THNSL1: variants seen among roughly 807,000 people sequenced by gnomAD.
The protein encoded by THNSL1 is threonine synthase like 1, also known as threonine synthase-like 1.
THNSL1 carries 48 observed loss-of-function variants against 50.4 expected under a neutral mutation model. That is an observed-to-expected ratio of 0.95 (90% confidence interval 0.76 to 1.21). THNSL1 has a LOEUF of 1.21. THNSL1 is among the 50% of genes most tolerant of loss of function. The probability of loss-of-function intolerance (pLI) is 0.00; values close to 1 mark genes in which losing one functional copy is unlikely to be tolerated. For missense variants in THNSL1, 896 were observed against 871.7 expected (o/e 1.03, Z -0.35); for synonymous variants, 309 against 306.1 (o/e 1.01, Z -0.10).
chr10:25,023,172 A>G lies in THNSL1; in HGVS notation c.-48-4A>G. 1.3e-6 allele frequency: 2 copies of G among 1,533,824 alleles called. No individual in the cohort carries two copies. Among genetic ancestry groups the G allele is most frequent in the Admixed American group, 2.2e-5 (1 of 45,692 alleles). ...GTTTTTTGTTTGTTTTGTGTTTTGA[A>G]AAGGGCTAAAGCCAATTTTTAGGTT... is the stretch of plus-strand genomic sequence containing the variant. On this transcript the variant is annotated splice_polypyrimidine_tract_variant and splice_region_variant and intron_variant, in intron 2 of 2. Coordinates refer to ENST00000376356, the MANE Select transcript of THNSL1 (RefSeq NM_024838.5).
the THNSL1 span, among the ~76,000 whole-genome samples, chr10:24,978,451 CCT>C: frequency 2.7e-5 from 4 of 150,238 alleles, no homozygotes; most frequent in Admixed American, 6.6e-5. Context: ...CTCTCTCTCT[CCT>C]CTCTCTCTCT....
the THNSL1 span, among the ~76,000 whole-genome samples, chr10:24,957,895 C>T: frequency 1.3e-5 from 2 of 152,308 alleles, no homozygotes; most frequent in South Asian, 4.1e-4. Flanking sequence ...TGTAATCATC[C>T]TGTGCCACTA....
chr10:25,026,393 A>G lies in THNSL1; in HGVS notation c.*938A>G, dbSNP rs1274238555. 6.0e-6 allele frequency: 1 copy of G among 167,054 alleles called. No individual in the cohort carries two copies. Among genetic ancestry groups the G allele is most frequent in the African/African-American group, 2.4e-5 (1 of 41,488 alleles). The allele number at this position is 167,054 out of a possible 1,614,324, so 10.3% of individuals were successfully genotyped here. ...GTGAATACAGAAATGATCTATTTCA[A>G]GAGGAAGGTTTTCCAAAATTAAGAG... On this transcript the variant is annotated 3_prime_UTR_variant, in exon 3 of 3. Coordinates refer to ENST00000376356, the MANE Select transcript of THNSL1 (RefSeq NM_024838.5).
the THNSL1 span, chr10:24,984,382 G>GGAA: frequency 7.2e-7 from 1 of 1,397,962 alleles, no homozygotes; most frequent in East Asian, 2.6e-5. Context: ...ATGCGCTGCA[G>GGAA]AAAAAAAAAA....
chr10:25,024,658 C>T lies in THNSL1; in HGVS notation c.1435C>T (p.Gln479Ter). 6.2e-7 allele frequency: 1 copy of T among 1,614,246 alleles called. No individual in the cohort carries two copies. The highest frequency in any genetic ancestry group is 8.5e-7 in the Non-Finnish European group (1 of 1,180,050). Residue 479 changes from glutamine to a stop codon, truncating the protein, a stop_gained, in exon 3 of 3, where the codon CAG becomes TAG. Coordinates refer to ENST00000376356, the MANE Select transcript of THNSL1 (RefSeq NM_024838.5). LOFTEE classifies it high-confidence loss of function. The stretch of plus-strand genomic sequence containing the variant: ...CATAAACTGGGGCCGACTACTTCCG[C>T]AGGTAGTTTATCATGCTTCCGCATA... ...NSINWGRLLP[Q>*]VVYHASAYLD...
the THNSL1 span, among the ~76,000 whole-genome samples, chr10:25,008,393 T>C: frequency 1.3e-5 from 2 of 152,216 alleles, no homozygotes; most frequent in Non-Finnish European, 2.9e-5. Context: ...AAAATGACCA[T>C]GTCACCTAAG....
At chr10:24,970,493 T>C in the THNSL1 span, among the ~76,000 whole-genome samples, 6 of 151,932 alleles carry the variant, frequency 3.9e-5, no homozygotes, top group Non-Finnish European at 5.9e-5. Flanking sequence ...GAAGATCACT[T>C]GAGGCCAGGA....
upstream of THNSL1, among the ~76,000 whole-genome samples, chr10:25,015,218 G>A (rs1221284146): frequency 6.6e-6 from 1 of 152,108 alleles, no homozygotes; most frequent in African/African-American, 2.4e-5. Context: ...AATTTAAGAG[G>A]TTCTAAGACC....
chr10:24,973,107 A>G, the THNSL1 span, among the ~76,000 whole-genome samples: 1 of 152,220 alleles, frequency 6.6e-6, no homozygotes. Flanking sequence ...ACCTCTGCAT[A>G]CAATTTCTTT....
Position 25,026,565 on chromosome 10 carries a change from A to C in THNSL1, c.*1110A>C, listed in dbSNP as rs1396286873. 6.0e-6 allele frequency: 1 copy of C among 166,604 alleles called. No individual in the cohort carries two copies. Among genetic ancestry groups the C allele is most frequent in the South Asian group, 2.1e-4 (1 of 4,824 alleles). 10.3% of individuals were successfully genotyped at this position (166,604 alleles called of 1,614,324 possible). On this transcript the variant is annotated 3_prime_UTR_variant, in exon 3 of 3. Transcript: ENST00000376356. ...GAAACTGCACACAACTGATACACAT[A>C]TTTAATTTGTATTCCTTTGTAGTAA...
intron 1 of THNSL1, among the ~76,000 whole-genome samples, chr10:25,018,838 T>C (rs986268241): frequency 9.2e-5 from 14 of 152,290 alleles, no homozygotes; most frequent in Middle Eastern, 3.4e-3. Flanking sequence ...ATATTCGAGA[T>C]CGTTAAGAAT....
the THNSL1 span, among the ~76,000 whole-genome samples, chr10:24,954,514 C>T: frequency 2.6e-5 from 4 of 151,958 alleles, no homozygotes; most frequent in Non-Finnish European, 4.4e-5. Context: ...CTAGACACTG[C>T]GGAAGATGTA....
At chr10:24,964,238 C>G in the THNSL1 span, among the ~76,000 whole-genome samples, 1 of 152,166 alleles carries the variant, frequency 6.6e-6, no homozygotes, top group Non-Finnish European at 1.5e-5. Flanking sequence ...ACATCACTGC[C>G]CTAGAGTAAC....
the THNSL1 span, among the ~76,000 whole-genome samples, chr10:24,959,616 A>G: frequency 6.6e-6 from 1 of 152,324 alleles, no homozygotes; most frequent in East Asian, 1.9e-4. Flanking sequence ...TAGTACGCCA[A>G]TATGCACTGC....
the THNSL1 span, among the ~76,000 whole-genome samples, chr10:24,997,507 C>T: frequency 2.6e-5 from 4 of 151,680 alleles, no homozygotes. Context: ...CCACCTGAGC[C>T]TCCCATATAG....
At chr10:25,018,924 C>G (rs1467556516) in intron 1 of THNSL1, among the ~76,000 whole-genome samples, 3 of 152,110 alleles carry the variant, frequency 2.0e-5, no homozygotes, top group African/African-American at 7.2e-5. Flanking sequence ...AAGTGATGAA[C>G]TTGCAAAATT....
At chr10:24,995,783 T>G in the THNSL1 span, 1 of 1,614,038 alleles carries the variant, frequency 6.2e-7, no homozygotes, top group Non-Finnish European at 8.5e-7. Context: ...TTTATAAAAT[T>G]TTTTCCACTC....
At chr10:24,994,627 C>T in the THNSL1 span, among the ~76,000 whole-genome samples, 1 of 152,094 alleles carries the variant, frequency 6.6e-6, no homozygotes, top group Admixed American at 6.5e-5. Context: ...CTGTGCCCAG[C>T]CTGCATTCAT....
At chr10:25,021,367 A>G (rs143745513) in intron 1 of THNSL1, among the ~76,000 whole-genome samples, 18 of 152,358 alleles carry the variant, frequency 1.2e-4, no homozygotes, top group Middle Eastern at 3.4e-3. Flanking sequence ...ATATAGCCTA[A>G]AAAACAACTC....
Sources: gnomAD v4.1 joint callset for allele counts (sites outside exome capture counted in the v4.1 genomes callset) on GRCh38, gnomAD v4.1.1 for gene constraint, MANE v1.5 for transcripts, NCBI Gene and HGNC (gene_info 2026-07-23, HGNC 2026-07-21) for gene names.